The following DPYSL2 variants were observed in gnomAD, a reference collection of about 807,000 sequenced individuals.
DPYSL2 encodes dihydropyrimidinase-related protein 2.
In DPYSL2, 13 loss-of-function variants were observed where a neutral mutation model predicts 69.9. The observed-to-expected ratio is 0.19, with a 90% confidence interval of 0.12 to 0.30. DPYSL2 has a LOEUF of 0.30. DPYSL2 is among the 10% of genes least tolerant of loss of function. DPYSL2 has a pLI of 1.00. For missense variants in DPYSL2, 587 were observed against 918.9 expected, an observed-to-expected ratio of 0.64 and a Z score of 4.67; for synonymous variants, 326 against 359.1, an observed-to-expected ratio of 0.91 and a Z score of 1.04.
intron 1 of DPYSL2, among the ~76,000 whole-genome samples, chr8:26,539,492 G>A (rs753789398): frequency 4.6e-5 from 7 of 152,198 alleles, no homozygotes. Context: ...TACATACACA[G>A]TAACGTTGAA....
chr8:26,542,960 T>C (rs1563380170), intron 1 of DPYSL2, among the ~76,000 whole-genome samples: 1 of 152,188 alleles, frequency 6.6e-6, no homozygotes, highest in Non-Finnish European at 1.5e-5. Context: ...CAAAGTGATA[T>C]GAATATTTTG....
At chr8:26,583,495 A>T in intron 2 of DPYSL2, among the ~76,000 whole-genome samples, 1 of 152,202 alleles carries the variant, frequency 6.6e-6, no homozygotes, top group African/African-American at 2.4e-5. Context: ...AAGAAAGTTT[A>T]ATGACAGTTC....
In DPYSL2 at chr8:26,653,411, T is replaced by G. The variant is rs1803319192; in HGVS notation, c.1942+14T>G. The G allele has an allele frequency of 2.5e-6, 4 of 1,609,268 alleles. No individual in the cohort carries two copies. Among genetic ancestry groups the G allele is most frequent in the Middle Eastern group, 1.7e-4 (1 of 6,024 alleles). On this transcript the variant is annotated intron_variant, in intron 13 of 13. Coordinates refer to ENST00000521913, the MANE Select transcript of DPYSL2 (RefSeq NM_001197293.3). This position sits in a 1 kb window ranked among gnomAD's most constrained non-coding sequence, Gnocchi z 5.7. The stretch of plus-strand genomic sequence containing the variant: ...TCAGTTTGTCTGGTAGGGTTGGGGC[T>G]TGGGGAGGGCACAGTTCTGCAGGGC...
intron 7 of DPYSL2, among the ~76,000 whole-genome samples, chr8:26,633,371 T>A (rs946043809): frequency 1.3e-4 from 20 of 152,238 alleles, no homozygotes; most frequent in Non-Finnish European, 1.6e-4. Context: ...GATTGGTGAT[T>A]CCTCTGTAGG....
chr8:26,579,862 A>ATCAG lies in DPYSL2; in HGVS notation c.355-2107_355-2106insTCAG, dbSNP rs1585521384. 2.0e-5 allele frequency among the ~76,000 whole-genome samples: 3 copies of ATCAG among 151,696 alleles called. No homozygotes were observed. The East Asian group carries it at 5.8e-4, about 29-fold the overall frequency. ...TAATTTGCTGTCTTCGTGAATGAAC[A>ATCAG]AGGCAGCTTCATTTTGACAGTGTGG... On this transcript the variant is annotated intron_variant, in intron 1 of 13. Transcript: ENST00000521913.
At chr8:26,629,661 G>T (rs1563417523) in intron 7 of DPYSL2, among the ~76,000 whole-genome samples, 1 of 152,246 alleles carries the variant, frequency 6.6e-6, no homozygotes, top group African/African-American at 2.4e-5. Flanking sequence ...GACCGTGGCT[G>T]GTGGACAGTG....
At chr8:26,521,057 A>C (rs1331808031) in intron 1 of DPYSL2, among the ~76,000 whole-genome samples, 5 of 152,206 alleles carry the variant, frequency 3.3e-5, no homozygotes, top group African/African-American at 9.7e-5. Context: ...ACACAAACAC[A>C]AAGTCCATAA....
chr8:26,514,945 C>A lies in DPYSL2; in HGVS notation c.354+266C>A, dbSNP rs2117591585. 6.6e-6 allele frequency among the ~76,000 whole-genome samples: 1 copy of A among 152,302 alleles called. No homozygotes were observed. Among genetic ancestry groups the A allele is most frequent in the African/African-American group, 2.4e-5 (1 of 41,576 alleles). Reference sequence around the variant, plus strand: ...CGTGGGCATAGGGAATGGGCTGATCCCCTGCTGGGGCGGGCGGTGGTCGTC... The same window carrying A: ...CGTGGGCATAGGGAATGGGCTGATCACCTGCTGGGGCGGGCGGTGGTCGTC... On this transcript the variant is annotated intron_variant, in intron 1 of 13. Coordinates refer to ENST00000521913, the MANE Select transcript of DPYSL2 (RefSeq NM_001197293.3). This position sits in a 1 kb window ranked among gnomAD's most constrained non-coding sequence, Gnocchi z 8.4.
chr8:26,566,105 T>C (rs1206099546), intron 1 of DPYSL2, among the ~76,000 whole-genome samples: 4 of 152,204 alleles, frequency 2.6e-5, no homozygotes, highest in African/African-American at 7.2e-5. Context: ...GATTATGTCC[T>C]GAATAAATGT....
At chr8:26,576,623 T>C (rs1218459688) in intron 1 of DPYSL2, among the ~76,000 whole-genome samples, 1 of 152,170 alleles carries the variant, frequency 6.6e-6, no homozygotes, top group Non-Finnish European at 1.5e-5. Context: ...GCCTGCTCAA[T>C]TGCTAGGACC....
At position 26,654,667 on chromosome 8, in the gene DPYSL2, C is replaced by T. The variant is rs973701329; in HGVS notation, c.1943-948C>T. On this transcript the variant is annotated intron_variant, in intron 13 of 13. Transcript: ENST00000521913. This position sits in a 1 kb window ranked among gnomAD's most constrained non-coding sequence, Gnocchi z 5.0. The stretch of plus-strand genomic sequence containing the variant: ...GAATGCCAGAAGAGGGCTATGTCCT[C>T]AGAAAAGCCACAGCCAATTTGACTA... Among the ~76,000 whole-genome samples, 3 of 152,052 alleles carry T rather than the reference C, an allele frequency of 2.0e-5. No homozygotes were observed. Among genetic ancestry groups the T allele is most frequent in the African/African-American group, 7.3e-5 (3 of 41,378 alleles).
rs1218323197 is a variant in DPYSL2, at chr8:26,564,777, A to ATTTT, written c.355-17192_355-17191insTTTT. ...TTTTTAAAAGAATTTTTTTTTTAAA[A>ATTTT]AATTTCAATAGCTTTTGGGATACAA... On this transcript the variant is annotated intron_variant, in intron 1 of 13. Transcript: ENST00000521913. The surrounding 1 kb of genome is among the most constrained non-coding windows in gnomAD (Gnocchi z 4.8). Among the ~76,000 whole-genome samples the ATTTT allele has an allele frequency of 1.3e-5, 2 of 150,794 alleles. No individual in the cohort carries two copies. Among genetic ancestry groups the ATTTT allele is most frequent in the African/African-American group, 2.4e-5 (1 of 40,972 alleles).
At chr8:26,534,852 C>G (rs1800566268) in intron 1 of DPYSL2, among the ~76,000 whole-genome samples, 1 of 152,086 alleles carries the variant, frequency 6.6e-6, no homozygotes, top group Non-Finnish European at 1.5e-5. Flanking sequence ...AAGCTGGTCT[C>G]TAACTCCTGA....
chr8:26,653,169 G>T lies in DPYSL2; in HGVS notation c.1777-63G>T. 2 of 1,563,120 alleles carry T rather than the reference G, an allele frequency of 1.3e-6. No homozygotes were observed. Among genetic ancestry groups the T allele is most frequent in the Admixed American group, 1.8e-5 (1 of 55,946 alleles). ...CACAGGCCCATCCTCCCTCCAGGAG[G>T]GTTTCTAGAGAGGTATCCTCTGTGG... On this transcript the variant is annotated intron_variant, in intron 12 of 13. Transcript: ENST00000521913. The surrounding 1 kb of genome is among the most constrained non-coding windows in gnomAD (Gnocchi z 5.7).
Position 26,516,432 on chromosome 8 carries a change from A to G in DPYSL2, c.354+1753A>G, listed in dbSNP as rs1402748442. ...TTGTGATGTCCTAGAGAAAGCAGAA[A>G]AACAACTGGAGAATAAAGAAGAAAT... On this transcript the variant is annotated intron_variant, in intron 1 of 13. Coordinates refer to ENST00000521913, the MANE Select transcript of DPYSL2 (RefSeq NM_001197293.3). The surrounding 1 kb of genome is among the most constrained non-coding windows in gnomAD (Gnocchi z 4.8). Among the ~76,000 whole-genome samples, 1 of 152,200 alleles carries G rather than the reference A, an allele frequency of 6.6e-6. No individual in the cohort carries two copies. The highest frequency in any genetic ancestry group is 1.5e-5 in the Non-Finnish European group (1 of 68,034).
At position 26,626,912 on chromosome 8, in the gene DPYSL2, G is replaced by A. The variant is rs1201116403; in HGVS notation, c.855+234G>A. On this transcript the variant is annotated intron_variant, in intron 5 of 13. Coordinates refer to ENST00000521913, the MANE Select transcript of DPYSL2 (RefSeq NM_001197293.3). This position sits in a 1 kb window ranked among gnomAD's most constrained non-coding sequence, Gnocchi z 4.3. ...TGAGGCTCTGCCCCGCACGGCGTGT[G>A]TGGGAGCGGCACTCAGAACCTCCTT... Among the ~76,000 whole-genome samples, 1 of 152,208 alleles carries A rather than the reference G, an allele frequency of 6.6e-6. No individual in the cohort carries two copies. Among genetic ancestry groups the A allele is most frequent in the Non-Finnish European group, 1.5e-5 (1 of 68,050 alleles).
intron 3 of DPYSL2, among the ~76,000 whole-genome samples, chr8:26,592,461 AGTTTTTTTTTTTTT>A (rs1801749329): frequency 2.0e-5 from 2 of 98,850 alleles, no homozygotes; most frequent in African/African-American, 6.3e-5. Context: ...TTGGTACATT[AGTTTTTTTTTTTTT>A]GTTTTTTTTT....
chr8:26,514,657 C>G lies in DPYSL2; in HGVS notation c.332C>G (p.Ala111Gly). ...VEIRRASGKE[A>G]LQNINDQSDR... Reference sequence around the variant, plus strand: ...ATCCGGAGGGCCTCGGGCAAAGAAGCCCTGCAGAACATCAACGACCAGGTC... The same window carrying G: ...ATCCGGAGGGCCTCGGGCAAAGAAGGCCTGCAGAACATCAACGACCAGGTC... The change falls in exon 1 of 14, where the codon GCC (alanine) becomes GGC (glycine). Residue 111 changes from alanine to glycine, a missense_variant. Coordinates refer to ENST00000521913, the MANE Select transcript of DPYSL2 (RefSeq NM_001197293.3). The surrounding 1 kb of genome is among the most constrained non-coding windows in gnomAD (Gnocchi z 8.4). 1 of 1,437,514 alleles carries G rather than the reference C, an allele frequency of 7.0e-7. No individual in the cohort carries two copies. Among genetic ancestry groups the G allele is most frequent in the Non-Finnish European group, 9.1e-7 (1 of 1,100,002 alleles). The allele number at this position is 1,437,514 out of a possible 1,614,324, so 89.0% of individuals were successfully genotyped here. A position where few individuals can be genotyped will look rare whatever the true frequency, so the allele number is the denominator to read the frequency against.
chr8:26,574,465 G>T (rs1392624341), intron 1 of DPYSL2, among the ~76,000 whole-genome samples: 4 of 152,120 alleles, frequency 2.6e-5, no homozygotes, highest in African/African-American at 7.2e-5. Flanking sequence ...CAGAATGCCC[G>T]GGATGTTACC....
Sources: gnomAD v4.1 joint callset for allele counts (sites outside exome capture counted in the v4.1 genomes callset) on GRCh38, gnomAD v4.1.1 for gene constraint, Gnocchi (gnomAD v3.1) non-coding constraint, MANE v1.5 for transcripts, NCBI Gene and HGNC (gene_info 2026-07-23, HGNC 2026-07-21) for gene names.